Variants in ALKBH1 observed in about 807,000 individuals in gnomAD.
ALKBH1 encodes alkB homolog 1, histone H2A dioxygenase, also known as nucleic acid dioxygenase ALKBH1.
In ALKBH1, 31 loss-of-function variants were observed where a neutral mutation model predicts 36.6. The ratio of observed to expected loss-of-function variants is 0.85; its 90% confidence interval spans 0.64 to 1.14. ALKBH1 has a LOEUF of 1.14. ALKBH1 is among the 50% of genes most tolerant of loss of function. ALKBH1 has a pLI of 0.00. For synonymous variants in ALKBH1, 183 were observed against 186.6 expected, an observed-to-expected ratio of 0.98 and a Z score of 0.16; for missense variants, 490 against 497.3, an observed-to-expected ratio of 0.99 and a Z score of 0.14.
In ALKBH1 at chr14:77,673,848, G is replaced by A. The variant is rs778463350; in HGVS notation, c.1134C>T (p.Ser378=). ...GGTTTATCCTGGCCCGTTTTACTTC[G>A]CTATTCTGGTCATCCAGATGGCAGA... is the stretch of plus-strand genomic sequence containing the variant. ...EGFCHLDDQN[S]EVKRARINPD... is the part of the protein sequence containing the mutation. Residue 378 remains serine (S), a synonymous_variant, in exon 6 of 6, where the codon AGC becomes AGT. Transcript: ENST00000216489. 3.5e-5 allele frequency: 57 copies of A among 1,614,028 alleles called. No homozygotes were observed. In the Admixed American group the frequency reaches 5.5e-4, roughly 16 times the overall value.
chr14:77,688,552 C>CTTTT (rs1248162861), intron 3 of ALKBH1, among the ~76,000 whole-genome samples: 1 of 111,236 alleles, frequency 9.0e-6, no homozygotes. Context: ...CTGCACCCAG[C>CTTTT]CTTTTTTTTT....
intron 2 of ALKBH1, among the ~76,000 whole-genome samples, chr14:77,701,237 A>G (rs2080357665): frequency 6.6e-6 from 1 of 152,200 alleles, no homozygotes; most frequent in African/African-American, 2.4e-5. Flanking sequence ...TAAGTGCTTG[A>G]TAAATGCACT....
At chr14:77,677,998 G>A (rs1305339780) in intron 4 of ALKBH1, among the ~76,000 whole-genome samples, 1 of 140,562 alleles carries the variant, frequency 7.1e-6, no homozygotes, top group Non-Finnish European at 1.5e-5. Flanking sequence ...TTCAGTTTTT[G>A]GTCATTTTTA....
intron 3 of ALKBH1, among the ~76,000 whole-genome samples, chr14:77,692,916 A>AT (rs1555384384): frequency 1.5e-4 from 22 of 150,696 alleles, no homozygotes; most frequent in Admixed American, 2.6e-4. Context: ...AAAAAAAAAA[A>AT]TTTTTTTGGG....
At chr14:77,682,761 G>A (rs1480918903) in intron 3 of ALKBH1, among the ~76,000 whole-genome samples, 1 of 152,206 alleles carries the variant, frequency 6.6e-6, no homozygotes, top group South Asian at 2.1e-4. Context: ...GCAATGGCAC[G>A]ATCTTGGCTC....
chr14:77,680,028 T>C (rs2080228311), intron 3 of ALKBH1, 58 bp from the exon 4 acceptor site: 1 of 1,323,552 alleles, frequency 7.6e-7, no homozygotes, highest in Admixed American at 1.7e-5. Flanking sequence ...CAATAGCCGT[T>C]TGTATGGACT....
chr14:77,680,677 C>CTCTCTT (rs774703181), intron 3 of ALKBH1, among the ~76,000 whole-genome samples: 12 of 124,322 alleles, frequency 9.7e-5, no homozygotes, highest in Non-Finnish European at 9.9e-5. Context: ...ATTAACTACT[C>CTCTCTT]TTTTTTTTTT....
chr14:77,682,444 A>G (rs1196440924), intron 3 of ALKBH1, among the ~76,000 whole-genome samples: 1 of 152,100 alleles, frequency 6.6e-6, no homozygotes, highest in East Asian at 1.9e-4. Flanking sequence ...GATCCATTCT[A>G]TTTCTCTTTC....
chr14:77,700,295 T>C (rs1355998115), intron 2 of ALKBH1, among the ~76,000 whole-genome samples: 1 of 152,298 alleles, frequency 6.6e-6, no homozygotes, highest in African/African-American at 2.4e-5. Flanking sequence ...CTTGCAGATA[T>C]AGAAAAAAAC....
At chr14:77,683,099 G>A (rs941577705) in intron 3 of ALKBH1, 48 of 497,948 alleles carry the variant, frequency 9.6e-5, no homozygotes, top group African/African-American at 8.4e-4. Context: ...CAATCCTTCC[G>A]CCCTGACCTC....
chr14:77,675,924 C>A, intron 4 of ALKBH1, 75 bp from the exon 5 acceptor site: 4 of 1,191,230 alleles, frequency 3.4e-6, no homozygotes, highest in Non-Finnish European at 4.8e-6. Flanking sequence ...GATTAATTAC[C>A]ACTTTAAAAT....
At chr14:77,695,007 AT>A in intron 2 of ALKBH1, 107 bp from the exon 3 acceptor site, 11 of 998,370 alleles carry the variant, frequency 1.1e-5, no homozygotes, top group Non-Finnish European at 1.3e-5. Context: ...TACTCCCCAT[AT>A]TTTTTTGGTC....
intron 4 of ALKBH1, among the ~76,000 whole-genome samples, chr14:77,679,106 C>T (rs555298606): frequency 6.6e-6 from 1 of 152,060 alleles, no homozygotes; most frequent in Non-Finnish European, 1.5e-5. Flanking sequence ...AGTGAGCCAC[C>T]GCGTGTGATC....
At chr14:77,706,302 C>T (rs2080390430) in intron 1 of ALKBH1, among the ~76,000 whole-genome samples, 1 of 152,112 alleles carries the variant, frequency 6.6e-6, no homozygotes. Flanking sequence ...ACTGGTAAAA[C>T]ACTTTTAAGC....
intron 3 of ALKBH1, among the ~76,000 whole-genome samples, chr14:77,686,564 A>T (rs1020799489): frequency 2.6e-5 from 4 of 152,204 alleles, no homozygotes; most frequent in African/African-American, 7.2e-5. Context: ...CTCATACAGC[A>T]GTTTGCTTGG....
At chr14:77,697,270 G>C (rs1287314948) in intron 2 of ALKBH1, 3 of 154,956 alleles carry the variant, frequency 1.9e-5, no homozygotes, top group Non-Finnish European at 4.3e-5. Flanking sequence ...GGTGCTGCCA[G>C]GTGGCCCAGT....
chr14:77,692,822 A>T (rs993055251), intron 3 of ALKBH1, among the ~76,000 whole-genome samples: 1 of 150,560 alleles, frequency 6.6e-6, no homozygotes, highest in African/African-American at 2.4e-5. Flanking sequence ...TTATTTATTT[A>T]ATTTATTTAT....
At chr14:77,687,774 C>A (rs1323654956) in intron 3 of ALKBH1, among the ~76,000 whole-genome samples, 1 of 152,024 alleles carries the variant, frequency 6.6e-6, no homozygotes, top group Non-Finnish European at 1.5e-5. Flanking sequence ...GCTCTATTTT[C>A]TTCATCCTGT....
chr14:77,686,195 G>C (rs2080267463), intron 3 of ALKBH1, among the ~76,000 whole-genome samples: 5 of 152,098 alleles, frequency 3.3e-5, no homozygotes. Flanking sequence ...ATTTGTTCTT[G>C]AACACTGTGA....
Sources: gnomAD v4.1 joint callset for allele counts (sites outside exome capture counted in the v4.1 genomes callset) on GRCh38, gnomAD v4.1.1 for gene constraint, MANE v1.5 for transcripts, NCBI Gene and HGNC (gene_info 2026-07-23, HGNC 2026-07-21) for gene names.